The following SEMA5A variants were observed in gnomAD, a reference collection of about 807,000 sequenced individuals.
SEMA5A encodes semaphorin 5A.
Under a neutral mutation model 135.5 loss-of-function variants are expected in SEMA5A, and 55 were observed. The ratio of observed to expected loss-of-function variants is 0.41; its 90% confidence interval spans 0.33 to 0.51. SEMA5A has a LOEUF of 0.51. Among genes scored for constraint, SEMA5A ranks in the 20% least tolerant of loss-of-function variants. The pLI, the probability that SEMA5A is intolerant of heterozygous loss-of-function variation, is 0.37. For missense variants in SEMA5A, 1,290 were observed against 1,419.9 expected (o/e 0.91, Z 1.47); for synonymous variants, 580 against 546.5 (o/e 1.06, Z -0.85).
chr5:9,102,366 A>C (rs1739676837), intron 16 of SEMA5A, among the ~76,000 whole-genome samples: 1 of 152,210 alleles, frequency 6.6e-6, no homozygotes, highest in Admixed American at 6.5e-5. Flanking sequence ...GTCTAGGAAG[A>C]CAGGAAATGA....
At chr5:9,094,393 G>C (rs1438649711) in intron 16 of SEMA5A, among the ~76,000 whole-genome samples, 3 of 152,214 alleles carry the variant, frequency 2.0e-5, no homozygotes, top group African/African-American at 2.4e-5. Context: ...AACAGGCAGA[G>C]TTTCTTTCTT....
chr5:9,089,095 T>G (rs1294547798), intron 16 of SEMA5A, among the ~76,000 whole-genome samples: 1 of 152,224 alleles, frequency 6.6e-6, no homozygotes, highest in African/African-American at 2.4e-5. Flanking sequence ...CCTAACAGAC[T>G]GTGAGACTTG....
intron 17 of SEMA5A, among the ~76,000 whole-genome samples, chr5:9,064,604 T>A (rs1282569187): frequency 1.3e-5 from 2 of 151,816 alleles, no homozygotes; most frequent in Non-Finnish European, 2.9e-5. Context: ...TGAGAACACA[T>A]GGACACCAGG....
intron 21 of SEMA5A, among the ~76,000 whole-genome samples, chr5:9,044,973 T>G (rs1311695315): frequency 6.6e-6 from 1 of 151,942 alleles, no homozygotes; most frequent in Non-Finnish European, 1.5e-5. Flanking sequence ...TTAGTAGAGA[T>G]GGGGTTTCTC....
intron 3 of SEMA5A, among the ~76,000 whole-genome samples, chr5:9,350,605 A>T (rs537693913): frequency 6.6e-6 from 1 of 152,222 alleles, no homozygotes; most frequent in African/African-American, 2.4e-5. Context: ...TCAGCCATGC[A>T]AGCATTCCAT....
intron 16 of SEMA5A, among the ~76,000 whole-genome samples, chr5:9,074,330 C>T (rs1737928412): frequency 6.6e-6 from 1 of 152,090 alleles, no homozygotes; most frequent in Non-Finnish European, 1.5e-5. Context: ...TAACTTGTTC[C>T]ATCTATGATA....
chr5:9,316,001 A>G (rs1307785278), intron 5 of SEMA5A, among the ~76,000 whole-genome samples: 2 of 152,200 alleles, frequency 1.3e-5, no homozygotes, highest in African/African-American at 4.8e-5. Context: ...AATGGTTGCC[A>G]AATCATAATC....
chr5:9,100,345 T>C (rs253646), intron 16 of SEMA5A, among the ~76,000 whole-genome samples: 82,916 of 151,934 alleles, frequency 0.55, 24,481 homozygotes, highest in African/African-American at 0.79. Flanking sequence ...GGTCAGTTCT[T>C]TGCCAGACAC....
chr5:9,203,650 T>A (rs1411063767), intron 8 of SEMA5A, among the ~76,000 whole-genome samples: 4 of 152,214 alleles, frequency 2.6e-5, no homozygotes, highest in Non-Finnish European at 4.4e-5. Context: ...AACTTTACAT[T>A]TTAAAAATGT....
rs1025837530 is a variant in SEMA5A at position 9,387,169 on chromosome 5, C to T, written c.-77-7146G>A. Among the ~76,000 whole-genome samples the T allele has an allele frequency of 4.6e-5, 7 of 152,226 alleles. No individual in the cohort carries two copies. The East Asian group carries it at 9.6e-4, about 21-fold the overall frequency. ...CTCTCTGCTCAGGCTTCTAAAACCACATACTTATGGCCACAAGGTCACATG... is the reference window on the plus strand; with the variant it reads ...CTCTCTGCTCAGGCTTCTAAAACCATATACTTATGGCCACAAGGTCACATG... On this transcript the variant is annotated intron_variant, in intron 2 of 22. Coordinates refer to ENST00000382496, the MANE Select transcript of SEMA5A (RefSeq NM_003966.3).
intron 17 of SEMA5A, among the ~76,000 whole-genome samples, chr5:9,064,972 A>T (rs1019579524): frequency 1.3e-5 from 2 of 152,230 alleles, no homozygotes; most frequent in African/African-American, 4.8e-5. Context: ...TTGGTATTTC[A>T]TCATATACCT....
At chr5:9,454,912 G>A (rs1758774385) in intron 1 of SEMA5A, among the ~76,000 whole-genome samples, 1 of 152,228 alleles carries the variant, frequency 6.6e-6, no homozygotes, top group South Asian at 2.1e-4. Flanking sequence ...TAGATGACAT[G>A]TGTTCTCAGA....
At chr5:9,427,715 A>G (rs1023656371) in intron 2 of SEMA5A, among the ~76,000 whole-genome samples, 1 of 152,194 alleles carries the variant, frequency 6.6e-6, no homozygotes, top group African/African-American at 2.4e-5. Flanking sequence ...ACAGTCACAC[A>G]TGTGTATGTA....
chr5:9,416,604 A>C (rs1757292275), intron 2 of SEMA5A, among the ~76,000 whole-genome samples: 1 of 152,208 alleles, frequency 6.6e-6, no homozygotes, highest in South Asian at 2.1e-4. Flanking sequence ...ATAGTGTATC[A>C]AGTTCAAGAC....
intron 5 of SEMA5A, among the ~76,000 whole-genome samples, chr5:9,272,377 T>A (rs1750022675): frequency 6.6e-6 from 1 of 152,080 alleles, no homozygotes; most frequent in South Asian, 2.1e-4. Flanking sequence ...GACTTATAGA[T>A]AAAACCCCCA....
chr5:9,269,151 T>G (rs1749838085), intron 5 of SEMA5A, among the ~76,000 whole-genome samples: 1 of 152,026 alleles, frequency 6.6e-6, no homozygotes, highest in Non-Finnish European at 1.5e-5. Flanking sequence ...ATGCCTCTAA[T>G]TTGTCATCAC....
intron 4 of SEMA5A, among the ~76,000 whole-genome samples, chr5:9,332,920 G>A (rs1207280540): frequency 6.6e-6 from 1 of 152,218 alleles, no homozygotes. Context: ...CTTACCCATG[G>A]CAGATGTTTA....
At chr5:9,238,574 C>G (rs1048343328) in intron 5 of SEMA5A, among the ~76,000 whole-genome samples, 7 of 152,118 alleles carry the variant, frequency 4.6e-5, no homozygotes, top group Non-Finnish European at 1.0e-4. Context: ...CTGATGCTAA[C>G]TCACAAATGA....
At chr5:9,170,196 G>T (rs1013627901) in intron 11 of SEMA5A, among the ~76,000 whole-genome samples, 2 of 152,086 alleles carry the variant, frequency 1.3e-5, no homozygotes, top group African/African-American at 4.8e-5. Context: ...TGTCCAGCCT[G>T]GTAGGGTGGA....
Sources: allele counts gnomAD v4.1 joint callset (sites outside exome capture counted in the v4.1 genomes callset), GRCh38; gene constraint gnomAD v4.1.1; transcripts MANE v1.5; gene names NCBI Gene and HGNC (gene_info 2026-07-23, HGNC 2026-07-21).